OSBPL6: variants seen among roughly 807,000 people sequenced by gnomAD.
The protein encoded by OSBPL6 is oxysterol-binding protein-related protein 6.
In OSBPL6, 49 loss-of-function variants were observed where a neutral mutation model predicts 125.8. The ratio of observed to expected loss-of-function variants is 0.39; its 90% CI spans 0.31 to 0.49. OSBPL6 has a LOEUF of 0.49. OSBPL6 is among the 20% of genes least tolerant of loss of function. OSBPL6 has a pLI of 0.88. For synonymous variants in OSBPL6, 394 were observed against 391.8 expected, an observed-to-expected ratio of 1.01 and a Z score of -0.07; for missense variants, 986 against 1,135.4, an observed-to-expected ratio of 0.87 and a Z score of 1.89.
Position 178,287,834 on chromosome 2 carries a change from G to T in OSBPL6, c.-156+2713G>T, listed in dbSNP as rs573690094. Reference sequence around the variant, plus strand: ...CTTATCTCGTTTTCTTGGAGTTCCTGTTATCAGCTCCACATTCCATTTCCT... The same window carrying T: ...CTTATCTCGTTTTCTTGGAGTTCCTTTTATCAGCTCCACATTCCATTTCCT... On this transcript the variant is annotated intron_variant, in intron 2 of 24. Transcript: ENST00000190611. 2.6e-5 allele frequency among the ~76,000 whole-genome samples: 4 copies of T among 152,176 alleles called. No homozygotes were observed. The South Asian group carries it at 8.3e-4, about 32-fold the overall frequency.
At chr2:178,274,694 A>T (rs1052374953) in intron 1 of OSBPL6, among the ~76,000 whole-genome samples, 5 of 152,196 alleles carry the variant, frequency 3.3e-5, no homozygotes, top group African/African-American at 1.2e-4. Flanking sequence ...CATATTTATA[A>T]CTATGTATTC....
intron 19 of OSBPL6, among the ~76,000 whole-genome samples, chr2:178,386,501 T>A (rs909869889): frequency 2.0e-5 from 3 of 152,236 alleles, no homozygotes; most frequent in African/African-American, 7.2e-5. Context: ...AGATTTTTTT[T>A]AACTGTAATC....
chr2:178,344,462 C>A, intron 11 of OSBPL6: 1 of 1,090,324 alleles, frequency 9.2e-7, no homozygotes, highest in Non-Finnish European at 1.4e-6. Flanking sequence ...GTGATGGCAT[C>A]ACCTGTAGCC....
rs1322577089 is a variant in OSBPL6 at position 178,401,791 on chromosome 2, A to G, written c.*6232A>G. On this transcript the variant is annotated 3_prime_UTR_variant, in exon 25 of 25. Coordinates refer to ENST00000190611, the MANE Select transcript of OSBPL6 (RefSeq NM_032523.4). Reference sequence around the variant, plus strand: ...TCTAGGGTGTGGACCGAGAATCCTCATTGTAACAAGCACCCTCTGCCCCCG... The same window carrying G: ...TCTAGGGTGTGGACCGAGAATCCTCGTTGTAACAAGCACCCTCTGCCCCCG... 1 of 152,250 alleles carries G rather than the reference A, an allele frequency of 6.6e-6. No homozygotes were observed. The highest frequency in any genetic ancestry group is 1.5e-5 in the Non-Finnish European group (1 of 68,072). The allele number at this position is 152,250 out of a possible 1,614,324, so 9.4% of individuals were successfully genotyped here.
chr2:178,274,105 AT>A (rs1559188597), intron 1 of OSBPL6, among the ~76,000 whole-genome samples: 1 of 152,114 alleles, frequency 6.6e-6, no homozygotes, highest in African/African-American at 2.4e-5. Flanking sequence ...CAAAGTAATT[AT>A]TTTAGTGTAC....
chr2:178,247,151 T>C (rs927314484), intron 1 of OSBPL6, among the ~76,000 whole-genome samples: 3 of 152,210 alleles, frequency 2.0e-5, no homozygotes, highest in African/African-American at 7.2e-5. Context: ...ATCGATGTTC[T>C]CTTGGGCACC....
intron 1 of OSBPL6, among the ~76,000 whole-genome samples, chr2:178,217,488 G>T (rs552344056): frequency 2.8e-4 from 43 of 152,262 alleles, no homozygotes; most frequent in African/African-American, 9.6e-4. Flanking sequence ...AGACACACAC[G>T]AGTTTAGGAG....
chr2:178,295,654 A>C (rs921722723), intron 2 of OSBPL6, among the ~76,000 whole-genome samples: 1 of 152,152 alleles, frequency 6.6e-6, no homozygotes, highest in Non-Finnish European at 1.5e-5. Flanking sequence ...AATTGCAAGG[A>C]TTAGTGGACA....
intron 1 of OSBPL6, among the ~76,000 whole-genome samples, chr2:178,255,411 G>A (rs972167588): frequency 2.0e-5 from 3 of 152,188 alleles, no homozygotes; most frequent in African/African-American, 7.2e-5. Context: ...TCACTATCAC[G>A]AGAACAGCAT....
In OSBPL6 at chr2:178,332,980, T is replaced by G. The variant is rs761281948; in HGVS notation, c.596T>G (p.Phe199Cys). The G allele has an allele frequency of 1.9e-6, 3 of 1,614,206 alleles. No individual in the cohort carries two copies. Among genetic ancestry groups the G allele is most frequent in the East Asian group, 2.2e-5 (1 of 44,882 alleles). The change falls in exon 8 of 25, where the codon TTT becomes TGT. Residue 199 changes from phenylalanine to cysteine, a missense_variant. This residue lies in a region of OSBPL6 where 843 missense variants were observed against 997.3 expected (regional missense o/e 0.85). Transcript: ENST00000190611. ...CCAAGAGATGCTAGTTTTCACATAT[T>G]TCCTTCAACGTCCACAGCTGAATCC... ...RSPRDASFHI[F>C]PSTSTAESSP...
At chr2:178,283,159 G>A (rs1022827216) in intron 1 of OSBPL6, among the ~76,000 whole-genome samples, 3 of 152,096 alleles carry the variant, frequency 2.0e-5, no homozygotes, top group South Asian at 2.1e-4. Flanking sequence ...CAAGGTACAC[G>A]GAATCGTCTT....
At chr2:178,375,999 G>A (rs12476608) in intron 15 of OSBPL6, among the ~76,000 whole-genome samples, 28,264 of 152,074 alleles carry the variant, frequency 0.19, 2,806 homozygotes, top group South Asian at 0.24. Context: ...GGCAGAGAGC[G>A]GGATAAGAAG....
intron 2 of OSBPL6, among the ~76,000 whole-genome samples, chr2:178,295,607 C>T (rs111947389): frequency 1.9e-3 from 295 of 152,190 alleles, no homozygotes; most frequent in African/African-American, 6.6e-3. Context: ...TGGGTTATCT[C>T]CTTGGGTTAC....
chr2:178,210,166 C>G (rs2089778715), intron 1 of OSBPL6, among the ~76,000 whole-genome samples: 1 of 141,494 alleles, frequency 7.1e-6, no homozygotes, highest in South Asian at 2.4e-4. Context: ...ATTACAGGTG[C>G]CTGCCACCAT....
intron 1 of OSBPL6, among the ~76,000 whole-genome samples, chr2:178,262,056 G>A (rs2092081826): frequency 6.8e-6 from 1 of 146,552 alleles, no homozygotes; most frequent in Admixed American, 6.9e-5. Context: ...ATTTTGGTTA[G>A]TATTTTGTCT....
At chr2:178,339,596 G>A in intron 10 of OSBPL6, 76 bp from the exon 11 acceptor site, 3 of 1,193,030 alleles carry the variant, frequency 2.5e-6, no homozygotes, top group Non-Finnish European at 2.3e-6. Context: ...GTAACTTGCT[G>A]TGCTCTTGTC....
Position 178,324,311 on chromosome 2 carries a change from C to T in OSBPL6, c.195+42C>T, listed in dbSNP as rs760416741. 5 of 1,407,908 alleles carry T rather than the reference C, an allele frequency of 3.6e-6. No homozygotes were observed. The Middle Eastern group carries it at 6.1e-4, about 171-fold the overall frequency. The allele number at this position is 1,407,908 out of a possible 1,614,324, so 87.2% of individuals were successfully genotyped here. On this transcript the variant is annotated intron_variant, in intron 4 of 24. Coordinates refer to ENST00000190611, the MANE Select transcript of OSBPL6 (RefSeq NM_032523.4). ...GGTGCTTTCTCTGCTGGCATGATGC[C>T]TGCTCTGGGGCCAATTGAACTGTGA...
intron 5 of OSBPL6, among the ~76,000 whole-genome samples, chr2:178,330,200 C>T (rs76417110): frequency 0.011 from 1,622 of 149,524 alleles, 12 homozygotes; most frequent in Non-Finnish European, 0.015. Context: ...TGCTGAAATT[C>T]TTGGATAGAC....
intron 23 of OSBPL6, among the ~76,000 whole-genome samples, chr2:178,393,323 T>C (rs951557428): frequency 6.6e-5 from 10 of 152,222 alleles, no homozygotes; most frequent in African/African-American, 2.4e-4. Flanking sequence ...GAGTATGAGA[T>C]ATACTCAAAA....
Sources: allele counts gnomAD v4.1 joint callset (sites outside exome capture counted in the v4.1 genomes callset), GRCh38; gene constraint gnomAD v4.1.1; regional missense constraint gnomAD v4.1.1; transcripts MANE v1.5; gene names NCBI Gene and HGNC (gene_info 2026-07-23, HGNC 2026-07-21).